Variants in TRAP1 observed in about 807,000 individuals in gnomAD.
TRAP1 encodes heat shock protein 75 kDa, mitochondrial.
Under a neutral mutation model 89.1 loss-of-function variants are expected in TRAP1, and 102 were observed. The ratio of observed to expected loss-of-function variants is 1.15; its 90% CI spans 0.98 to 1.35. TRAP1 has a LOEUF of 1.35. TRAP1 is among the 40% of genes most tolerant of loss of function. The probability of loss-of-function intolerance (pLI) is 0.00; values close to 1 mark genes in which losing one functional copy is unlikely to be tolerated. For missense variants in TRAP1, 1,256 were observed against 945.3 expected (o/e 1.33, Z -4.31); for synonymous variants, 508 against 388.0 (o/e 1.31, Z -3.64).
chr16:3,697,241 G>A (rs753853732), intron 1 of TRAP1, among the ~76,000 whole-genome samples: 1 of 152,122 alleles, frequency 6.6e-6, no homozygotes, highest in Non-Finnish European at 1.5e-5. Flanking sequence ...AAGCAAAACT[G>A]AGCACTGTCC....
chr16:3,673,183 TAA>T (rs1460098613), intron 9 of TRAP1, among the ~76,000 whole-genome samples: 1 of 152,194 alleles, frequency 6.6e-6, no homozygotes, highest in African/African-American at 2.4e-5. Context: ...CTGTGTAGCC[TAA>T]GAGTGGTTTT....
At chr16:3,670,450 C>A (rs1463610493) in intron 11 of TRAP1, among the ~76,000 whole-genome samples, 1 of 149,422 alleles carries the variant, frequency 6.7e-6, no homozygotes, top group African/African-American at 2.5e-5. Flanking sequence ...CCTGGAATCC[C>A]AGCACTTTGG....
intron 1 of TRAP1, among the ~76,000 whole-genome samples, chr16:3,712,285 CAAAAAAAAAAAA>C (rs764259574): frequency 2.2e-3 from 71 of 32,074 alleles, no homozygotes; most frequent in African/African-American, 6.0e-3. Context: ...GAATCTGTCT[CAAAAAAAAAAAA>C]AAAAAAAAAA....
chr16:3,670,528 C>G (rs1369696451), intron 11 of TRAP1, among the ~76,000 whole-genome samples: 3 of 151,456 alleles, frequency 2.0e-5, no homozygotes, highest in African/African-American at 7.3e-5. Context: ...TAGTGAGATC[C>G]CAACTCTACA....
chr16:3,708,941 A>G (rs2051488672), intron 1 of TRAP1, among the ~76,000 whole-genome samples: 1 of 150,678 alleles, frequency 6.6e-6, no homozygotes, highest in African/African-American at 2.4e-5. Flanking sequence ...TCAGCTTCCC[A>G]AGTAGCTGGG....
intron 11 of TRAP1, among the ~76,000 whole-genome samples, chr16:3,667,232 G>A (rs1245096421): frequency 6.6e-6 from 1 of 152,168 alleles, no homozygotes; most frequent in Non-Finnish European, 1.5e-5. Flanking sequence ...ACCGTGAAGA[G>A]TCAGAGCCCA....
chr16:3,676,912 G>C (rs1171358570), intron 6 of TRAP1: 2 of 152,916 alleles, frequency 1.3e-5, no homozygotes, highest in African/African-American at 4.8e-5. Context: ...AAATTAGCTG[G>C]GCGTGGTGGC....
intron 9 of TRAP1, 127 bp from the exon 10 acceptor site, chr16:3,672,947 C>CT (rs1439601820): frequency 1.4e-6 from 2 of 1,380,794 alleles, no homozygotes; most frequent in Non-Finnish European, 1.9e-6. Context: ...AGCGTCTGCT[C>CT]TGAGTTGAAG....
At position 3,662,980 on chromosome 16, in the gene TRAP1, A is replaced by T; in HGVS notation, c.1709-13T>A. On this transcript the variant is annotated splice_polypyrimidine_tract_variant and intron_variant, in intron 14 of 17. Coordinates refer to ENST00000246957, the MANE Select transcript of TRAP1 (RefSeq NM_016292.3). Reference sequence around the variant, plus strand: ...AGGCACTCGGCGGCTGCGGAAGAGCAGGCGACAGGGAGCTCAGGCCTGCAT... The same window carrying T: ...AGGCACTCGGCGGCTGCGGAAGAGCTGGCGACAGGGAGCTCAGGCCTGCAT... The T allele has an allele frequency of 6.3e-7, 1 of 1,595,936 alleles. No homozygotes were observed. The highest frequency in any genetic ancestry group is 8.5e-7 in the Non-Finnish European group (1 of 1,175,028).
At chr16:3,717,368 G>A in intron 1 of TRAP1, 53 bp downstream of exon 1, 9 of 727,634 alleles carry the variant, frequency 1.2e-5, no homozygotes, top group Non-Finnish European at 1.7e-5. Flanking sequence ...GGACGTCCCT[G>A]CCGTCTCCGT....
At chr16:3,684,091 G>A (rs762348747) in intron 4 of TRAP1, among the ~76,000 whole-genome samples, 3 of 152,090 alleles carry the variant, frequency 2.0e-5, no homozygotes, top group Non-Finnish European at 2.9e-5. Context: ...ACTTAAATCC[G>A]GGGGGCAGAG....
chr16:3,715,831 A>G (rs2051591242), intron 1 of TRAP1, among the ~76,000 whole-genome samples: 1 of 152,164 alleles, frequency 6.6e-6, no homozygotes, highest in Non-Finnish European at 1.5e-5. Flanking sequence ...GTGCTAGAAG[A>G]GAGCAACAGC....
At chr16:3,672,237 A>G (rs148859540) in intron 10 of TRAP1, among the ~76,000 whole-genome samples, 20 of 152,146 alleles carry the variant, frequency 1.3e-4, no homozygotes, top group East Asian at 3.9e-4. Context: ...TCGGGAGGCT[A>G]AGGCAGGAGA....
At chr16:3,691,549 C>T (rs1000569377) in intron 1 of TRAP1, among the ~76,000 whole-genome samples, 2 of 152,152 alleles carry the variant, frequency 1.3e-5, no homozygotes, top group African/African-American at 4.8e-5. Flanking sequence ...GCACTTCCCA[C>T]ATTCGCCTCA....
intron 16 of TRAP1, chr16:3,660,134 G>A (rs1011896565): frequency 2.6e-5 from 4 of 152,176 alleles, no homozygotes; most frequent in Non-Finnish European, 5.9e-5. Flanking sequence ...GTTACCCTAA[G>A]GGAGAAAAGC....
intron 1 of TRAP1, among the ~76,000 whole-genome samples, chr16:3,694,563 C>T (rs1360696207): frequency 6.6e-6 from 1 of 152,130 alleles, no homozygotes; most frequent in Non-Finnish European, 1.5e-5. Context: ...GTCTCCAACT[C>T]CTGACCTCAA....
chr16:3,704,591 A>C (rs978455130), intron 1 of TRAP1, among the ~76,000 whole-genome samples: 4 of 152,216 alleles, frequency 2.6e-5, no homozygotes, highest in Admixed American at 6.5e-5. Context: ...CACACCTGTA[A>C]TCCCAGCACT....
At chr16:3,705,071 A>T (rs1435205492) in intron 1 of TRAP1, among the ~76,000 whole-genome samples, 5 of 148,086 alleles carry the variant, frequency 3.4e-5, no homozygotes, top group Admixed American at 6.8e-5. Context: ...ACCACAGAAC[A>T]TTTTTTTTTT....
intron 11 of TRAP1, among the ~76,000 whole-genome samples, chr16:3,668,328 G>A (rs536955058): frequency 3.3e-5 from 5 of 152,244 alleles, no homozygotes; most frequent in African/African-American, 9.6e-5. Flanking sequence ...CCAAAGTGCT[G>A]GGATTACAGG....
Sources: gnomAD v4.1 joint callset for allele counts (sites outside exome capture counted in the v4.1 genomes callset) on GRCh38, gnomAD v4.1.1 for gene constraint, MANE v1.5 for transcripts, NCBI Gene and HGNC (gene_info 2026-07-23, HGNC 2026-07-21) for gene names.